Variants in ZFAND6 observed in about 807,000 individuals in gnomAD.
The protein encoded by ZFAND6 is zinc finger AN1-type containing 6, also known as AN1-type zinc finger protein 6.
A neutral mutation model predicts 24.5 loss-of-function variants in ZFAND6; 12 were observed. That is an observed-to-expected ratio of 0.49 (90% confidence interval 0.31 to 0.79). The LOEUF is 0.79. ZFAND6 is among the 30% of genes least tolerant of loss of function. ZFAND6 has a pLI of 0.04. For missense variants in ZFAND6, 207 were observed against 245.9 expected (o/e 0.84, Z 1.06); for synonymous variants, 92 against 81.5 (o/e 1.13, Z -0.69).
intron 2 of ZFAND6, among the ~76,000 whole-genome samples, chr15:80,101,137 A>C (rs1182504605): frequency 2.0e-5 from 3 of 152,234 alleles, no homozygotes; most frequent in African/African-American, 7.2e-5. Flanking sequence ...TTAAGGTATC[A>C]TAAGAAACAT....
chr15:80,072,045 T>C (rs2037007339), intron 1 of ZFAND6, among the ~76,000 whole-genome samples: 2 of 152,128 alleles, frequency 1.3e-5, no homozygotes, highest in African/African-American at 4.8e-5. Context: ...GCATTCAGTA[T>C]TTTAGTGCTG....
intron 1 of ZFAND6, among the ~76,000 whole-genome samples, chr15:80,072,187 TAAA>T (rs921632502): frequency 6.6e-6 from 1 of 152,088 alleles, no homozygotes; most frequent in African/African-American, 2.4e-5. Context: ...TGAACTCTAT[TAAA>T]AATAATCTGT....
intron 2 of ZFAND6, among the ~76,000 whole-genome samples, chr15:80,117,327 A>G (rs1031505421): frequency 3.3e-5 from 5 of 151,672 alleles, no homozygotes; most frequent in Non-Finnish European, 7.4e-5. Flanking sequence ...GCTTCATGCC[A>G]TTCTCCTGCC....
chr15:80,073,770 TTAAC>T (rs1359398001), intron 1 of ZFAND6, among the ~76,000 whole-genome samples: 3 of 151,960 alleles, frequency 2.0e-5, no homozygotes, highest in Non-Finnish European at 4.4e-5. Flanking sequence ...ATGTTTTCAC[TTAAC>T]TATCTGTTGA....
chr15:80,110,271 C>T (rs893942919), intron 2 of ZFAND6, among the ~76,000 whole-genome samples: 1 of 152,072 alleles, frequency 6.6e-6, no homozygotes, highest in South Asian at 2.1e-4. Flanking sequence ...GGGCAGACCA[C>T]CTAGGAGGCT....
intron 5 of ZFAND6, among the ~76,000 whole-genome samples, chr15:80,124,526 G>A (rs1484627261): frequency 6.6e-6 from 1 of 152,106 alleles, no homozygotes; most frequent in Non-Finnish European, 1.5e-5. Flanking sequence ...AAGAATAAAG[G>A]TCATAGATTG....
intron 1 of ZFAND6, among the ~76,000 whole-genome samples, chr15:80,072,846 CATT>C (rs887700264): frequency 1.3e-4 from 20 of 151,912 alleles, no homozygotes; most frequent in Non-Finnish European, 2.5e-4. Flanking sequence ...TTTCTCCTAT[CATT>C]ATTTTTAGTT....
Position 80,067,674 on chromosome 15 carries a change from A to C in ZFAND6, c.-181+7865A>C, listed in dbSNP as rs553012748. ...GCTCACTCAGTGGCCTTATGTGGCT[A>C]GTGGCGATTGTGTTGGACAGCAGAG... On this transcript the variant is annotated intron_variant, in intron 1 of 6. Transcript: ENST00000261749. Among the ~76,000 whole-genome samples, 235 of 152,268 alleles carry C rather than the reference A, an allele frequency of 1.5e-3. 1 individual carries two copies. The highest frequency in any genetic ancestry group is 3.4e-3 in the Middle Eastern group (1 of 294).
chr15:80,098,851 T>C (rs1567072951), intron 2 of ZFAND6, among the ~76,000 whole-genome samples: 2 of 152,158 alleles, frequency 1.3e-5, no homozygotes, highest in African/African-American at 2.4e-5. Context: ...ATTACTAATT[T>C]ATTATTGTGA....
intron 2 of ZFAND6, among the ~76,000 whole-genome samples, chr15:80,118,392 A>G (rs1018146720): frequency 1.3e-5 from 2 of 152,150 alleles, no homozygotes; most frequent in African/African-American, 4.8e-5. Context: ...TCACTTATTA[A>G]TTAGCTACAG....
chr15:80,122,678 A>G, intron 4 of ZFAND6, 22 bp from the exon 5 acceptor site: 2 of 1,512,372 alleles, frequency 1.3e-6, no homozygotes, highest in Non-Finnish European at 1.8e-6. Flanking sequence ...ACCTTTTAAA[A>G]TGAAATATTT....
intron 6 of ZFAND6, among the ~76,000 whole-genome samples, chr15:80,133,092 T>G (rs1442253748): frequency 6.6e-6 from 1 of 152,126 alleles, no homozygotes; most frequent in East Asian, 1.9e-4. Context: ...AAAGGCATAC[T>G]ATGATTCAAG....
At chr15:80,073,065 G>A (rs944056214) in intron 1 of ZFAND6, among the ~76,000 whole-genome samples, 1 of 151,828 alleles carries the variant, frequency 6.6e-6, no homozygotes, top group Non-Finnish European at 1.5e-5. Flanking sequence ...GTCTTTTTTA[G>A]TAAATTGAAA....
chr15:80,115,906 G>A (rs2039853793), intron 2 of ZFAND6, among the ~76,000 whole-genome samples: 1 of 152,000 alleles, frequency 6.6e-6, no homozygotes, highest in Non-Finnish European at 1.5e-5. Context: ...AGTTTTTATG[G>A]AAATATATTT....
At position 80,092,644 on chromosome 15, in the gene ZFAND6, A is replaced by G. The variant is rs559470603; in HGVS notation, c.-180-5772A>G. On this transcript the variant is annotated intron_variant, in intron 1 of 6. Transcript: ENST00000261749. ...TAGTGTCTTACATTTTGTATCCCTC[A>G]AGGCTGTGCACGTAATCAGTGGTGG... is the stretch of plus-strand genomic sequence containing the variant. 2.6e-5 allele frequency among the ~76,000 whole-genome samples: 4 copies of G among 152,250 alleles called. No individual in the cohort carries two copies. In the East Asian group the frequency reaches 5.8e-4, roughly 22 times the overall value.
chr15:80,092,345 AG>A (rs2038430369), intron 1 of ZFAND6, among the ~76,000 whole-genome samples: 2 of 149,172 alleles, frequency 1.3e-5, no homozygotes, highest in African/African-American at 2.5e-5. Context: ...AAAAAAAAAA[AG>A]GATTGCTTGA....
intron 1 of ZFAND6, among the ~76,000 whole-genome samples, chr15:80,077,323 TA>T (rs2037340651): frequency 1.3e-5 from 2 of 152,240 alleles, no homozygotes; most frequent in Non-Finnish European, 2.9e-5. Context: ...TCAAAAAAGT[TA>T]AATAATGCAG....
intron 2 of ZFAND6, among the ~76,000 whole-genome samples, chr15:80,106,317 T>C (rs566320883): frequency 2.7e-4 from 41 of 152,362 alleles, no homozygotes; most frequent in African/African-American, 8.9e-4. Context: ...TGGCCAACTA[T>C]GACCCACTCA....
At chr15:80,070,758 A>G (rs1356830817) in intron 1 of ZFAND6, among the ~76,000 whole-genome samples, 1 of 152,098 alleles carries the variant, frequency 6.6e-6, no homozygotes, top group Non-Finnish European at 1.5e-5. Flanking sequence ...ACTATTTACT[A>G]ATTTTATGCT....
Sources: gnomAD v4.1 joint callset for allele counts (sites outside exome capture counted in the v4.1 genomes callset) on GRCh38, gnomAD v4.1.1 for gene constraint, MANE v1.5 for transcripts, NCBI Gene and HGNC (gene_info 2026-07-23, HGNC 2026-07-21) for gene names.